Variants in CLHC1 observed in about 807,000 individuals in gnomAD.
CLHC1 encodes the protein clathrin heavy chain linker domain containing 1.
CLHC1 carries 72 observed loss-of-function variants against 69.5 expected under a neutral mutation model. The ratio of observed to expected loss-of-function variants is 1.04; its 90% CI spans 0.86 to 1.26. The LOEUF (loss-of-function observed/expected upper bound fraction) is 1.26, where lower values mean the gene tolerates loss of function less well. CLHC1 is among the 50% of genes most tolerant of loss of function. CLHC1 has a pLI of 0.00. For synonymous variants in CLHC1, 223 were observed against 224.3 expected (o/e 0.99, Z 0.05); for missense variants, 790 against 679.3 (o/e 1.16, Z -1.81).
At chr2:55,198,216 A>G (rs1403701706) in intron 9 of CLHC1, among the ~76,000 whole-genome samples, 1 of 152,196 alleles carries the variant, frequency 6.6e-6, no homozygotes, top group African/African-American at 2.4e-5. Context: ...AAATAACCTC[A>G]AAAGTGCAAA....
intron 2 of CLHC1, among the ~76,000 whole-genome samples, chr2:55,226,066 C>G (rs559244456): frequency 6.6e-6 from 1 of 152,102 alleles, no homozygotes; most frequent in African/African-American, 2.4e-5. Flanking sequence ...GTGGCGGGCG[C>G]CTGTAGTCCC....
chr2:55,215,681 C>T (rs1673425053), intron 4 of CLHC1, among the ~76,000 whole-genome samples: 1 of 152,068 alleles, frequency 6.6e-6, no homozygotes, highest in Non-Finnish European at 1.5e-5. Context: ...TAGACTATAC[C>T]AGGTGGAGCG....
At chr2:55,197,020 G>A (rs1386262208) in intron 9 of CLHC1, among the ~76,000 whole-genome samples, 1 of 152,158 alleles carries the variant, frequency 6.6e-6, no homozygotes, top group Admixed American at 6.5e-5. Context: ...GCTGACTGAA[G>A]AGGCTTTGGG....
At chr2:55,186,682 G>T (rs1414379588) in intron 9 of CLHC1, among the ~76,000 whole-genome samples, 1 of 152,028 alleles carries the variant, frequency 6.6e-6, no homozygotes, top group Non-Finnish European at 1.5e-5. Context: ...GGCTGAGGTG[G>T]GAGGATCACT....
rs1162910086 is a variant in CLHC1 at position 55,217,523 on chromosome 2, C to CAAAAAAA, written c.365+281_365+287dup. ...GGGCAACAAGAGTGAAACCCTGTCT[C>CAAAAAAA]AAAAAAAAAAAAAAAAAAAAAAAAA... On this transcript the variant is annotated intron_variant, in intron 4 of 12. Transcript: ENST00000401408. 2.9e-4 allele frequency among the ~76,000 whole-genome samples: 6 copies of CAAAAAAA among 20,344 alleles called. 2 individuals carry two copies. Among genetic ancestry groups the CAAAAAAA allele is most frequent in the Admixed American group, 9.7e-4 (1 of 1,034 alleles). 13.3% of individuals were successfully genotyped at this position (20,344 alleles called of 152,430 possible). A position where few individuals can be genotyped will look rare whatever the true frequency, so the allele number is the denominator to read the frequency against.
intron 2 of CLHC1, chr2:55,224,405 G>T: frequency 2.3e-6 from 1 of 434,484 alleles, no homozygotes. Flanking sequence ...CCTCCTGGAG[G>T]AAAGCTATGT....
intron 1 of CLHC1, among the ~76,000 whole-genome samples, chr2:55,231,283 A>G (rs1675324927): frequency 6.6e-6 from 1 of 152,058 alleles, no homozygotes; most frequent in Non-Finnish European, 1.5e-5. Context: ...CAGGAAGAAT[A>G]AACGACTGGA....
chr2:55,222,235 C>T lies in CLHC1; in HGVS notation c.177G>A (p.Lys59=). 6.2e-7 allele frequency: 1 copy of T among 1,607,860 alleles called. No homozygotes were observed. Among genetic ancestry groups the T allele is most frequent in the Non-Finnish European group, 8.5e-7 (1 of 1,175,034 alleles). Residue 59 remains lysine, a splice_region_variant and synonymous_variant, in exon 3 of 13, where the codon AAG becomes AAA. Coordinates refer to ENST00000401408, the MANE Select transcript of CLHC1 (RefSeq NM_152385.4). Reference sequence around the variant, plus strand: ...AATTGTCTTAAAAGCTTTATGATACCTTATCAAAAACATTTCGGTATATGA... The same window carrying T: ...AATTGTCTTAAAAGCTTTATGATACTTTATCAAAAACATTTCGGTATATGA... ...YYIIYRNVFD[K]VIEHITAYKS... is the part of the protein sequence containing the mutation.
chr2:55,216,291 CAA>C (rs552944752), intron 4 of CLHC1, among the ~76,000 whole-genome samples: 5 of 107,110 alleles, frequency 4.7e-5, no homozygotes, highest in Admixed American at 9.7e-5. Context: ...AACTCCGTCT[CAA>C]AAAAAAAAAA....
intron 9 of CLHC1, among the ~76,000 whole-genome samples, chr2:55,197,248 G>T (rs961911739): frequency 2.6e-5 from 4 of 152,136 alleles, no homozygotes; most frequent in Non-Finnish European, 4.4e-5. Context: ...GGTATCTCTG[G>T]AGCCACCCAG....
chr2:55,192,244 C>T (rs927585530), intron 9 of CLHC1, among the ~76,000 whole-genome samples: 13 of 151,910 alleles, frequency 8.6e-5, no homozygotes, highest in Non-Finnish European at 1.3e-4. Flanking sequence ...TTCAGCCTCC[C>T]GAATACCTGG....
At chr2:55,197,450 C>T (rs1445033145) in intron 9 of CLHC1, among the ~76,000 whole-genome samples, 1 of 152,212 alleles carries the variant, frequency 6.6e-6, no homozygotes, top group East Asian at 1.9e-4. Context: ...CTGGTGACCA[C>T]AGTGGTGCTT....
At chr2:55,223,729 G>A (rs946346094) in intron 2 of CLHC1, among the ~76,000 whole-genome samples, 2 of 152,084 alleles carry the variant, frequency 1.3e-5, no homozygotes, top group Admixed American at 6.5e-5. Context: ...CCTCGGCAGG[G>A]GCCTAGGACG....
At chr2:55,188,605 T>G (rs1188070639) in intron 9 of CLHC1, among the ~76,000 whole-genome samples, 1 of 152,124 alleles carries the variant, frequency 6.6e-6, no homozygotes, top group Non-Finnish European at 1.5e-5. Flanking sequence ...TAGATACATA[T>G]CCCAGAGAAG....
rs962454111 is a variant in CLHC1 at position 55,194,209 on chromosome 2, C to T, written c.1006+12061G>A. The stretch of plus-strand genomic sequence containing the variant: ...AAAATTAGGTTATGGTAATGGTTTC[C>T]CAACTCTGTATTACAGTAAAATCAT... On this transcript the variant is annotated intron_variant, in intron 9 of 12. Coordinates refer to ENST00000401408, the MANE Select transcript of CLHC1 (RefSeq NM_152385.4). Among the ~76,000 whole-genome samples the T allele has an allele frequency of 2.6e-5, 4 of 151,924 alleles. No individual in the cohort carries two copies. In the East Asian group the frequency reaches 7.7e-4, roughly 29 times the overall value.
intron 9 of CLHC1, 124 bp downstream of exon 9, chr2:55,206,146 G>A: frequency 3.3e-6 from 2 of 609,342 alleles, no homozygotes; most frequent in Non-Finnish European, 5.8e-6. Context: ...AGCAAACTGA[G>A]TAAATGGTAG....
intron 9 of CLHC1, among the ~76,000 whole-genome samples, chr2:55,197,812 T>C (rs766214146): frequency 1.4e-4 from 22 of 152,060 alleles, no homozygotes; most frequent in Non-Finnish European, 2.5e-4. Flanking sequence ...GCCACAAGCA[T>C]CAAGACCAAC....
Position 55,188,424 on chromosome 2 carries a change from A to G in CLHC1, c.1007-6680T>C, listed in dbSNP as rs572853885. Among the ~76,000 whole-genome samples, 5 of 152,338 alleles carry G rather than the reference A, an allele frequency of 3.3e-5. No individual in the cohort carries two copies. The East Asian group carries it at 7.7e-4, about 23-fold the overall frequency. The stretch of plus-strand genomic sequence containing the variant: ...ATAAATTTACATGACCACAAGAATG[A>G]TAAACATTTAAAGGTCTAACACTAC... On this transcript the variant is annotated intron_variant, in intron 9 of 12. Coordinates refer to ENST00000401408, the MANE Select transcript of CLHC1 (RefSeq NM_152385.4).
chr2:55,173,481 T>A lies in CLHC1; in HGVS notation c.*2309A>T, dbSNP rs1360543485. ...GGAAATAATTTGTACCTTTTCAGAA[T>A]TACTGAATTTTAGAGTTGGAAATGA... On this transcript the variant is annotated 3_prime_UTR_variant, in exon 13 of 13. Transcript: ENST00000401408. Among the ~76,000 whole-genome samples the A allele has an allele frequency of 6.6e-6, 1 of 152,186 alleles. No homozygotes were observed. Among genetic ancestry groups the A allele is most frequent in the Non-Finnish European group, 1.5e-5 (1 of 68,030 alleles).
Sources: gnomAD v4.1 joint callset for allele counts (sites outside exome capture counted in the v4.1 genomes callset) on GRCh38, gnomAD v4.1.1 for gene constraint, MANE v1.5 for transcripts, NCBI Gene and HGNC (gene_info 2026-07-23, HGNC 2026-07-21) for gene names.